The following PIK3R2 variants were observed in gnomAD, a reference collection of about 807,000 sequenced individuals.
PIK3R2 encodes the protein phosphoinositide-3-kinase regulatory subunit 2.
Under a neutral mutation model 78.5 loss-of-function variants are expected in PIK3R2, and 40 were observed. The ratio of observed to expected loss-of-function variants is 0.51; its 90% CI spans 0.40 to 0.66. The LOEUF is 0.66. Ranked by LOEUF, PIK3R2 falls within the 30% of genes least tolerant of loss-of-function variation. The probability of loss-of-function intolerance (pLI) is 0.00; values close to 1 mark genes in which losing one functional copy is unlikely to be tolerated. For synonymous variants in PIK3R2, 473 were observed against 457.7 expected (o/e 1.03, Z -0.43); for missense variants, 880 against 1,026.6 (o/e 0.86, Z 1.95).
In PIK3R2 at chr19:18,156,100, A is replaced by T. The variant is rs745964137; in HGVS notation, c.221A>T (p.Tyr74Phe). 1 of 1,554,946 alleles carries T rather than the reference A, an allele frequency of 6.4e-7. No individual in the cohort carries two copies. The highest frequency in any genetic ancestry group is 8.7e-7 in the Non-Finnish European group (1 of 1,150,666). The part of the protein sequence containing the change: ...TRQRGDFPGT[Y>F]VEFLGPVALA... ...CAGCGAGGTGACTTCCCTGGCACCT[A>T]TGTGGAGTTCCTGGGGCCCGTGGCC... The change falls in exon 2 of 16, where the codon TAT becomes TTT. Residue 74 changes from tyrosine to phenylalanine, a missense_variant. Physicochemically the swap from Tyr to Phe is conservative, Grantham distance 22 (BLOSUM62 3). Around this residue, in one of 3 missense-constraint regions of PIK3R2, gnomAD observed 456 missense variants for 486.6 expected, o/e 0.94. Transcript: ENST00000222254. The surrounding 1 kb of genome is among the most constrained non-coding windows in gnomAD (Gnocchi z 4.2).
At chr19:18,160,225 G>C (rs931451525) in intron 2 of PIK3R2, among the ~76,000 whole-genome samples, 1 of 152,230 alleles carries the variant, frequency 6.6e-6, no homozygotes, top group African/African-American at 2.4e-5. Flanking sequence ...ACTCCACCTA[G>C]TCTGTGAAGT....
intron 11 of PIK3R2, among the ~76,000 whole-genome samples, chr19:18,165,821 G>A (rs961856767): frequency 1.2e-4 from 18 of 152,300 alleles, no homozygotes; most frequent in Non-Finnish European, 2.2e-4. Context: ...GTTGTTGGAA[G>A]GGTCCATGGG....
chr19:18,170,239 T>C lies in PIK3R2; in HGVS notation c.*945T>C, dbSNP rs1472702623. 1 of 152,574 alleles carries C rather than the reference T, an allele frequency of 6.6e-6. No individual in the cohort carries two copies. The highest frequency in any genetic ancestry group is 2.4e-5 in the African/African-American group (1 of 41,446). The allele number at this position is 152,574 out of a possible 1,614,324, so 9.5% of individuals were successfully genotyped here. On this transcript the variant is annotated 3_prime_UTR_variant, in exon 16 of 16. Transcript: ENST00000222254. ...AAAATAAATAAATAAACTTGTGAGC[T>C]GGCCCCAACCCCTCCTAGGAATCAC...
At chr19:18,160,784 C>A in intron 3 of PIK3R2, 135 bp from the exon 4 acceptor site, 12 of 1,129,350 alleles carry the variant, frequency 1.1e-5, no homozygotes, top group Middle Eastern at 2.4e-4. Context: ...TCTCCCAGTT[C>A]TCCCTCCCCA....
Position 18,161,960 on chromosome 19 carries a change from C to T in PIK3R2, c.816-6C>T, listed in dbSNP as rs768886482. ...CAGCCCTCACCACACTCCCCTTCCC[C>T]CTAAGGAGTGAGCCCAGCCCTGACT... On this transcript the variant is annotated splice_region_variant and splice_polypyrimidine_tract_variant and intron_variant, in intron 6 of 15. Coordinates refer to ENST00000222254, the MANE Select transcript of PIK3R2 (RefSeq NM_005027.4). The surrounding 1 kb of genome is among the most constrained non-coding windows in gnomAD (Gnocchi z 5.3). 14 of 1,613,366 alleles carry T rather than the reference C, an allele frequency of 8.7e-6. No homozygotes were observed. Among genetic ancestry groups the T allele is most frequent in the Non-Finnish European group, 1.1e-5 (13 of 1,179,520 alleles).
intron 11 of PIK3R2, among the ~76,000 whole-genome samples, chr19:18,165,855 C>T (rs997210523): frequency 3.9e-5 from 6 of 152,138 alleles, no homozygotes; most frequent in South Asian, 2.1e-4. Flanking sequence ...AGTCGTAGTG[C>T]GGCATCTCCC....
Position 18,155,901 on chromosome 19 carries a change from C to A in PIK3R2, c.22C>A (p.Gln8Lys). The A allele has an allele frequency of 6.4e-7, 1 of 1,558,584 alleles. No individual in the cohort carries two copies. Among genetic ancestry groups the A allele is most frequent in the Admixed American group, 1.9e-5 (1 of 52,356 alleles). ...GGCCATGGCGGGCCCTGAGGGCTTC[C>A]AGTACCGCGCTCTGTACCCGTTCCG... The part of the protein sequence containing the change: MAGPEGF[Q>K]YRALYPFRRE... The change falls in exon 2 of 16, where the codon CAG becomes AAG. Residue 8 changes from glutamine (Q) to lysine (K), a missense_variant. This residue lies in a region of PIK3R2 where 456 missense variants were observed against 486.6 expected (regional missense o/e 0.94). Transcript: ENST00000222254.
chr19:18,161,263 G>A lies in PIK3R2; in HGVS notation c.599-16G>A. 7.0e-7 allele frequency: 1 copy of A among 1,438,304 alleles called. No homozygotes were observed. The highest frequency in any genetic ancestry group is 9.1e-7 in the Non-Finnish European group (1 of 1,102,794). 89.1% of individuals were successfully genotyped at this position (1,438,304 alleles called of 1,614,324 possible). ...GCCCAGGCCTGGCTCACCCTGCCCT[G>A]GCCATCTGTCCGCAGAGGCCGCGGG... On this transcript the variant is annotated splice_polypyrimidine_tract_variant and intron_variant, in intron 5 of 15. Coordinates refer to ENST00000222254, the MANE Select transcript of PIK3R2 (RefSeq NM_005027.4). This position sits in a 1 kb window ranked among gnomAD's most constrained non-coding sequence, Gnocchi z 5.3.
At chr19:18,155,211 A>C (rs2043664120) in intron 1 of PIK3R2, among the ~76,000 whole-genome samples, 1 of 151,006 alleles carries the variant, frequency 6.6e-6, no homozygotes, top group East Asian at 1.9e-4. Flanking sequence ...AAAAAAAAAA[A>C]AAAAACTGAT....
At chr19:18,159,744 C>G (rs1425060150) in intron 2 of PIK3R2, among the ~76,000 whole-genome samples, 2 of 151,766 alleles carry the variant, frequency 1.3e-5, no homozygotes, top group Non-Finnish European at 2.9e-5. Flanking sequence ...CGCACCCGGC[C>G]TGTTGACTTA....
In PIK3R2 at chr19:18,163,246, C is replaced by A; in HGVS notation, c.1291-17C>A. On this transcript the variant is annotated splice_polypyrimidine_tract_variant and intron_variant, in intron 10 of 15. Transcript: ENST00000222254. ...ACCAGGCTATGCATCTCCCCTCATT[C>A]CGCCACGTATCTCCAGGACCAGATT... 1 of 1,614,102 alleles carries A rather than the reference C, an allele frequency of 6.2e-7. No homozygotes were observed. The highest frequency in any genetic ancestry group is 8.5e-7 in the Non-Finnish European group (1 of 1,180,020).
chr19:18,161,533 A>G lies in PIK3R2; in HGVS notation c.815+38A>G, dbSNP rs2043746591. On this transcript the variant is annotated intron_variant, in intron 6 of 15. Coordinates refer to ENST00000222254, the MANE Select transcript of PIK3R2 (RefSeq NM_005027.4). The surrounding 1 kb of genome is among the most constrained non-coding windows in gnomAD (Gnocchi z 5.3). Reference sequence around the variant, plus strand: ...GCGGAGCCGGAGCGAGCAGGGGTGGAGTTTGGGGTGGGGCGGGCGGGGCAT... The same window carrying G: ...GCGGAGCCGGAGCGAGCAGGGGTGGGGTTTGGGGTGGGGCGGGCGGGGCAT... The G allele has an allele frequency of 4.6e-6, 1 of 218,624 alleles. No homozygotes were observed. The allele number at this position is 218,624 out of a possible 1,614,324, so 13.5% of individuals were successfully genotyped here. A position where few individuals can be genotyped will look rare whatever the true frequency, so the allele number is the denominator to read the frequency against.
rs1433698810 is a variant in PIK3R2 at position 18,168,866 on chromosome 19, G to T, written c.1949G>T (p.Ser650Ile). ...GGCACCTTCCTCATCCGCGAGAGCA[G>T]CCAGCGGGGCTGCTACGCCTGCTCC... is the stretch of plus-strand genomic sequence containing the variant. ...RDGTFLIRES[S>I]QRGCYACSVV... The change falls in exon 15 of 16, where the codon AGC becomes ATC. Residue 650 changes from serine to isoleucine, a missense_variant. Around this residue, in one of 3 missense-constraint regions of PIK3R2, gnomAD observed 268 missense variants for 299.1 expected, o/e 0.90. Coordinates refer to ENST00000222254, the MANE Select transcript of PIK3R2 (RefSeq NM_005027.4). This position sits in a 1 kb window ranked among gnomAD's most constrained non-coding sequence, Gnocchi z 4.1. 1.2e-6 allele frequency: 2 copies of T among 1,613,474 alleles called. No individual in the cohort carries two copies. Among genetic ancestry groups the T allele is most frequent in the Non-Finnish European group, 1.7e-6 (2 of 1,179,814 alleles).
At position 18,155,884 on chromosome 19, in the gene PIK3R2, C is replaced by A. The variant is rs978235304; in HGVS notation, c.5C>A (p.Ala2Glu). Residue 2 changes from alanine to glutamate, a missense_variant, in exon 2 of 16, where the codon GCG becomes GAG. This residue lies in a region of PIK3R2 where 456 missense variants were observed against 486.6 expected (regional missense o/e 0.94). Transcript: ENST00000222254. Reference protein sequence around the residue: MAGPEGFQYRAL... With the variant: MEGPEGFQYRAL... ...CCCCACCCCACTCACGCGGCCATGG[C>A]GGGCCCTGAGGGCTTCCAGTACCGC... The A allele has an allele frequency of 1.3e-6, 2 of 1,545,822 alleles. No individual in the cohort carries two copies. Among genetic ancestry groups the A allele is most frequent in the Non-Finnish European group, 1.7e-6 (2 of 1,145,208 alleles).
chr19:18,168,613 C>G lies in PIK3R2; in HGVS notation c.1808+67C>G. 3 of 956,162 alleles carry G rather than the reference C, an allele frequency of 3.1e-6. No homozygotes were observed. Among genetic ancestry groups the G allele is most frequent in the South Asian group, 2.6e-5 (2 of 76,932 alleles). The allele number at this position is 956,162 out of a possible 1,614,324, so 59.2% of individuals were successfully genotyped here. ...GGAGGGGGCCATTTGGGGTGGGTTT[C>G]GAAGAATGAGTAGGAGTTCACCAGG... On this transcript the variant is annotated intron_variant, in intron 14 of 15. Transcript: ENST00000222254. The surrounding 1 kb of genome is among the most constrained non-coding windows in gnomAD (Gnocchi z 4.1).
chr19:18,163,488 C>A (rs1038262997), intron 11 of PIK3R2, 100 bp downstream of exon 11: 2 of 1,316,360 alleles, frequency 1.5e-6, no homozygotes, highest in Non-Finnish European at 2.1e-6. Context: ...GGATGAATAT[C>A]CAGTTGCAGG....
chr19:18,168,959 C>T lies in PIK3R2; in HGVS notation c.1979+63C>T, dbSNP rs886820114. 1.0e-5 allele frequency: 16 copies of T among 1,567,830 alleles called. No individual in the cohort carries two copies. In the African/African-American group the frequency reaches 1.1e-4, roughly 11 times the overall value. Reference sequence around the variant, plus strand: ...CCCAGAGCTCTCATTGAATGCCTGCCGCGTGCCAGGCCTTGGGAAGGAGTC... The same window carrying T: ...CCCAGAGCTCTCATTGAATGCCTGCTGCGTGCCAGGCCTTGGGAAGGAGTC... On this transcript the variant is annotated intron_variant, in intron 15 of 15. Transcript: ENST00000222254. The surrounding 1 kb of genome is among the most constrained non-coding windows in gnomAD (Gnocchi z 4.1).
At position 18,169,279 on chromosome 19, in the gene PIK3R2, G is replaced by A. The variant is rs1473627509; in HGVS notation, c.2172G>A (p.Pro724=). The A allele has an allele frequency of 8.6e-6, 13 of 1,507,246 alleles. No homozygotes were observed. The highest frequency in any genetic ancestry group is 4.3e-5 in the Admixed American group (2 of 46,490). 93.4% of individuals were successfully genotyped at this position (1,507,246 alleles called of 1,614,324 possible). ...TGCGCGCCCCGGGCCCCGGCCCGCC[G>A]CCTGCCGCCCGCTGAGCACCGAGGA... ...HPVRAPGPGP[P]PAAR Residue 724 remains proline, a synonymous_variant, in exon 16 of 16, where the codon CCG becomes CCA. Coordinates refer to ENST00000222254, the MANE Select transcript of PIK3R2 (RefSeq NM_005027.4).
At position 18,158,667 on chromosome 19, in the gene PIK3R2, T is replaced by C. The variant is rs74378469; in HGVS notation, c.323-1804T>C. On this transcript the variant is annotated intron_variant, in intron 2 of 15. Transcript: ENST00000222254. ...AGAGGCAATGTCATTGGCCCATTTT[T>C]CATTTGAAGGAACTGAGGCCCAGAG... 4.7e-3 allele frequency among the ~76,000 whole-genome samples: 721 copies of C among 152,228 alleles called. 3 individuals carry two copies. The highest frequency in any genetic ancestry group is 0.017 in the African/African-American group (709 of 41,552).
Sources: allele counts gnomAD v4.1 joint callset (sites outside exome capture counted in the v4.1 genomes callset), GRCh38; gene constraint gnomAD v4.1.1; regional missense constraint gnomAD v4.1.1; non-coding constraint Gnocchi (gnomAD v3.1); transcripts MANE v1.5; gene names NCBI Gene and HGNC (gene_info 2026-07-23, HGNC 2026-07-21).